Variants in ANKRD44 observed in about 807,000 individuals in gnomAD.
ANKRD44 encodes serine/threonine-protein phosphatase 6 regulatory ankyrin repeat subunit B.
A neutral mutation model predicts 116.0 loss-of-function variants in ANKRD44; 35 were observed. The ratio of observed to expected loss-of-function variants is 0.30; its 90% CI spans 0.23 to 0.40. The LOEUF (loss-of-function observed/expected upper bound fraction) is 0.40, where lower values mean the gene tolerates loss of function less well. Ranked by LOEUF, ANKRD44 falls within the 10% of genes least tolerant of loss-of-function variation. ANKRD44 has a pLI of 1.00. For synonymous variants in ANKRD44, 435 were observed against 461.8 expected, an observed-to-expected ratio of 0.94 and a Z score of 0.74; for missense variants, 1,014 against 1,242.6, an observed-to-expected ratio of 0.82 and a Z score of 2.77.
intron 1 of ANKRD44, among the ~76,000 whole-genome samples, chr2:197,267,248 G>A (rs1250456645): frequency 6.6e-6 from 1 of 152,194 alleles, no homozygotes; most frequent in Admixed American, 6.5e-5. Context: ...TTTCAAGGAT[G>A]CTCTCAGTGT....
At chr2:197,195,258 G>A (rs1177209198) in intron 1 of ANKRD44, among the ~76,000 whole-genome samples, 1 of 152,172 alleles carries the variant, frequency 6.6e-6, no homozygotes, top group Non-Finnish European at 1.5e-5. Context: ...TGGGATTACA[G>A]TCATGAGCAC....
downstream of ANKRD44, among the ~76,000 whole-genome samples, chr2:196,982,568 T>C (rs1462471731): frequency 6.6e-6 from 1 of 152,154 alleles, no homozygotes; most frequent in East Asian, 1.9e-4. Flanking sequence ...CCTGGCTTCT[T>C]CCCCAAACTC....
intron 8 of ANKRD44, among the ~76,000 whole-genome samples, chr2:197,119,968 C>T (rs1043046610): frequency 2.6e-5 from 4 of 152,172 alleles, no homozygotes; most frequent in Admixed American, 2.6e-4. Flanking sequence ...CCCCTCTTTG[C>T]TCATGCTGTT....
chr2:197,094,109 G>C (rs1459284959), intron 10 of ANKRD44, among the ~76,000 whole-genome samples: 1 of 152,176 alleles, frequency 6.6e-6, no homozygotes, highest in Non-Finnish European at 1.5e-5. Flanking sequence ...AGAATTTGGG[G>C]TCTTTGAAGC....
intron 2 of ANKRD44, among the ~76,000 whole-genome samples, chr2:197,167,101 T>C (rs1050527068): frequency 6.6e-6 from 1 of 152,166 alleles, no homozygotes; most frequent in African/African-American, 2.4e-5. Flanking sequence ...TCTTGCACTG[T>C]GCTGAGAAAA....
chr2:197,193,592 C>T (rs762539230), intron 1 of ANKRD44, among the ~76,000 whole-genome samples: 19 of 152,018 alleles, frequency 1.2e-4, no homozygotes, highest in Non-Finnish European at 1.9e-4. Context: ...TAAAAAATAA[C>T]GTAACGGCCA....
chr2:197,075,155 T>C (rs2077639845), intron 16 of ANKRD44, among the ~76,000 whole-genome samples: 1 of 152,188 alleles, frequency 6.6e-6, no homozygotes, highest in Admixed American at 6.5e-5. Context: ...CTAAGTTTTG[T>C]AGACAATTTA....
At chr2:197,175,092 A>G (rs1042995916) in intron 2 of ANKRD44, among the ~76,000 whole-genome samples, 1 of 152,308 alleles carries the variant, frequency 6.6e-6, no homozygotes, top group South Asian at 2.1e-4. Flanking sequence ...ATAAAAAAAG[A>G]TTTTTTTAAA....
At chr2:197,262,677 G>A (rs1199378719) in intron 1 of ANKRD44, among the ~76,000 whole-genome samples, 2 of 152,160 alleles carry the variant, frequency 1.3e-5, no homozygotes, top group African/African-American at 4.8e-5. Context: ...ACCGAGGCGG[G>A]TGGATCACTT....
At chr2:197,080,486 C>T (rs1283406090) in intron 15 of ANKRD44, among the ~76,000 whole-genome samples, 1 of 152,204 alleles carries the variant, frequency 6.6e-6, no homozygotes, top group Non-Finnish European at 1.5e-5. Context: ...TTCTTGTCCC[C>T]TCCCTCTCTA....
intron 1 of ANKRD44, among the ~76,000 whole-genome samples, chr2:197,305,946 C>A: frequency 7.4e-6 from 1 of 134,750 alleles, no homozygotes; most frequent in African/African-American, 3.1e-5. Context: ...TCTGCTTTTC[C>A]TATAATGACC....
intron 1 of ANKRD44, among the ~76,000 whole-genome samples, chr2:197,282,890 G>A (rs1326849931): frequency 1.3e-5 from 2 of 152,142 alleles, no homozygotes; most frequent in African/African-American, 2.4e-5. Flanking sequence ...TCCGGGAGGT[G>A]TCCTCTCTAC....
chr2:196,998,506 T>C lies in ANKRD44; in HGVS notation c.2666-87A>G, dbSNP rs1251728526. ...AAGTTACTACAAACACAATAACATA[T>C]TTAAATTAGTACAGTTCACATAATC... On this transcript the variant is annotated intron_variant, in intron 24 of 27. Coordinates refer to ENST00000282272, the MANE Select transcript of ANKRD44 (RefSeq NM_001195144.2). 2.8e-5 allele frequency: 25 copies of C among 902,582 alleles called. No homozygotes were observed. The Admixed American group carries it at 5.3e-4, about 19-fold the overall frequency. 55.9% of individuals were successfully genotyped at this position (902,582 alleles called of 1,614,324 possible).
chr2:197,244,341 A>G (rs1355922913), intron 1 of ANKRD44, among the ~76,000 whole-genome samples: 4 of 152,224 alleles, frequency 2.6e-5, no homozygotes, highest in Non-Finnish European at 5.9e-5. Context: ...AATAGAAGAA[A>G]GCCACTTCCC....
At chr2:197,224,386 A>T (rs1214994181) in intron 1 of ANKRD44, among the ~76,000 whole-genome samples, 3 of 152,228 alleles carry the variant, frequency 2.0e-5, no homozygotes, top group African/African-American at 7.2e-5. Flanking sequence ...TTTAGGGATC[A>T]TTATTAAGAC....
chr2:197,186,136 G>C (rs903086362), intron 2 of ANKRD44, among the ~76,000 whole-genome samples: 1 of 151,992 alleles, frequency 6.6e-6, no homozygotes, highest in Non-Finnish European at 1.5e-5. Flanking sequence ...ACCATTTTTA[G>C]CAGGAGGCCT....
chr2:197,029,433 A>G, intron 16 of ANKRD44: 1 of 332,796 alleles, frequency 3.0e-6, no homozygotes, highest in South Asian at 2.5e-5. Context: ...AGATTTTGCT[A>G]AGGTCTGTGT....
At chr2:197,198,598 C>A (rs938193592) in intron 1 of ANKRD44, among the ~76,000 whole-genome samples, 1 of 151,876 alleles carries the variant, frequency 6.6e-6, no homozygotes, top group African/African-American at 2.4e-5. Context: ...TTGAGACCAG[C>A]CTGGCCAACA....
At chr2:197,106,028 T>C (rs1186276760) in intron 9 of ANKRD44, among the ~76,000 whole-genome samples, 1 of 152,106 alleles carries the variant, frequency 6.6e-6, no homozygotes, top group Non-Finnish European at 1.5e-5. Flanking sequence ...ATGCCAAAAA[T>C]TGGGTAGAGA....
Sources: gnomAD v4.1 joint callset for allele counts (sites outside exome capture counted in the v4.1 genomes callset) on GRCh38, gnomAD v4.1.1 for gene constraint, MANE v1.5 for transcripts, NCBI Gene and HGNC (gene_info 2026-07-23, HGNC 2026-07-21) for gene names.